INPP1: variants seen among roughly 807,000 people sequenced by gnomAD.
The protein encoded by INPP1 is inositol polyphosphate-1-phosphatase.
INPP1 carries 18 observed loss-of-function variants against 23.0 expected under a neutral mutation model. The ratio of observed to expected loss-of-function variants is 0.78; its 90% CI spans 0.54 to 1.16. The LOEUF (loss-of-function observed/expected upper bound fraction) is 1.16. INPP1 is among the 50% of genes most tolerant of loss of function. The pLI, the probability that INPP1 is intolerant of heterozygous loss-of-function variation, is 0.00. For missense variants in INPP1, 448 were observed against 482.1 expected (o/e 0.93, Z 0.66); for synonymous variants, 164 against 176.3 (o/e 0.93, Z 0.55).
At position 190,346,416 on chromosome 2, in the gene INPP1, AT is replaced by A. The variant is rs1257434416; in HGVS notation, c.-209+2462del. Among the ~76,000 whole-genome samples the A allele has an allele frequency of 6.6e-6, 1 of 152,122 alleles. No individual in the cohort carries two copies. The highest frequency in any genetic ancestry group is 1.9e-4 in the East Asian group (1 of 5,182). Reference sequence around the variant, plus strand: ...CATTTAGGAAATCTGAAACTTTTATATTTTTTTCTGGTCAAGCTTCTGCTGA... The same window carrying A: ...CATTTAGGAAATCTGAAACTTTTATATTTTTTCTGGTCAAGCTTCTGCTGA... On this transcript the variant is annotated intron_variant, in intron 1 of 6. Transcript: ENST00000392329. This position sits in a 1 kb window ranked among gnomAD's most constrained non-coding sequence, Gnocchi z 5.1.
chr2:190,366,184 T>TCTCA (rs1471585868), intron 4 of INPP1, among the ~76,000 whole-genome samples: 3 of 103,828 alleles, frequency 2.9e-5, no homozygotes, highest in African/African-American at 8.5e-5. Flanking sequence ...TCTCTTGCTC[T>TCTCA]CTGTCTCTTG....
rs1276075343 is a variant in INPP1, at chr2:190,360,283, A to C, written c.181A>C (p.Ile61Leu). ...GGCTGATGTACTGGTACAGGAAGTT[A>C]TAAAACAGAATATGGAGAACAAGGT... is the stretch of plus-strand genomic sequence containing the variant. ...TLADVLVQEV[I>L]KQNMENKFPG... The change falls in exon 3 of 7, where the codon ATA becomes CTA. Residue 61 changes from isoleucine to leucine, a missense_variant. By Grantham distance (5) the Ile-to-Leu change is conservative. Coordinates refer to ENST00000392329, the MANE Select transcript of INPP1 (RefSeq NM_001128928.2). 1.9e-6 allele frequency: 3 copies of C among 1,614,066 alleles called. No individual in the cohort carries two copies. Among genetic ancestry groups the C allele is most frequent in the Admixed American group, 3.3e-5 (2 of 60,014 alleles).
At chr2:190,360,453 G>A (rs1282196148) in intron 3 of INPP1, 147 bp downstream of exon 3, 1 of 622,710 alleles carries the variant, frequency 1.6e-6, no homozygotes, top group African/African-American at 1.8e-5. Context: ...CTTCCTCCTT[G>A]TCATGATTAC....
At chr2:190,350,157 A>G (rs981176458) in intron 2 of INPP1, among the ~76,000 whole-genome samples, 3 of 152,206 alleles carry the variant, frequency 2.0e-5, no homozygotes, top group Non-Finnish European at 4.4e-5. Context: ...ATTTTAAGGT[A>G]TTTCTAAATG....
rs368962899 is a variant in INPP1 at position 190,363,490 on chromosome 2, G to T, written c.265+803G>T. 3.9e-5 allele frequency among the ~76,000 whole-genome samples: 6 copies of T among 151,938 alleles called. No homozygotes were observed. The highest frequency in any genetic ancestry group is 1.3e-4 in the Admixed American group (2 of 15,246). ...CTCAGGTAATCTGATTTCTTTCAGA[G>T]AAACAATTTTTTTTTTTAGTTTGTT... On this transcript the variant is annotated intron_variant, in intron 4 of 6. Transcript: ENST00000392329. This position sits in a 1 kb window ranked among gnomAD's most constrained non-coding sequence, Gnocchi z 4.4.
intron 4 of INPP1, among the ~76,000 whole-genome samples, chr2:190,366,235 C>G (rs915208226): frequency 6.7e-6 from 1 of 150,162 alleles, no homozygotes; most frequent in African/African-American, 2.5e-5. Context: ...CTTGCTTGCT[C>G]TCTGTCTCAC....
Position 190,371,083 on chromosome 2 carries a change from G to A in INPP1, c.881G>A (p.Ser294Asn). The change falls in exon 7 of 7, where the codon AGC becomes AAC. Residue 294 changes from serine (S) to asparagine (N), a missense_variant. Coordinates refer to ENST00000392329, the MANE Select transcript of INPP1 (RefSeq NM_001128928.2). The surrounding 1 kb of genome is among the most constrained non-coding windows in gnomAD (Gnocchi z 5.3). Reference sequence around the variant, plus strand: ...GGGGCAGCTGGGGCTGGTTATAAGAGCCTATGTGTTGTCCAAGGCCTCGTT... The same window carrying A: ...GGGGCAGCTGGGGCTGGTTATAAGAACCTATGTGTTGTCCAAGGCCTCGTT... The part of the protein sequence containing the change: ...IFGAAGAGYK[S>N]LCVVQGLVDI... The A allele has an allele frequency of 6.2e-7, 1 of 1,614,210 alleles. No homozygotes were observed. The highest frequency in any genetic ancestry group is 2.2e-5 in the East Asian group (1 of 44,888).
At chr2:190,365,435 A>T (rs527533770) in intron 4 of INPP1, among the ~76,000 whole-genome samples, 1 of 152,380 alleles carries the variant, frequency 6.6e-6, no homozygotes, top group East Asian at 1.9e-4. Context: ...CATTCTTTTC[A>T]ATAACATATT....
chr2:190,349,402 A>G (rs927912628), intron 2 of INPP1, among the ~76,000 whole-genome samples: 2 of 152,156 alleles, frequency 1.3e-5, no homozygotes, highest in African/African-American at 4.8e-5. Flanking sequence ...GTACCATTGC[A>G]CTCTAGCCTG....
intron 1 of INPP1, 56 bp downstream of exon 1, chr2:190,344,017 T>C (rs1689167255): frequency 3.0e-6 from 1 of 334,802 alleles, no homozygotes; most frequent in Non-Finnish European, 6.2e-6. Flanking sequence ...CCGCTGCCCC[T>C]CCTCCTTGGA....
chr2:190,353,213 A>G (rs775883755), intron 2 of INPP1, among the ~76,000 whole-genome samples: 24 of 152,216 alleles, frequency 1.6e-4, no homozygotes, highest in Non-Finnish European at 3.4e-4. Flanking sequence ...TCTGGGCCCT[A>G]GAATCCTCAC....
At position 190,371,193 on chromosome 2, in the gene INPP1, A is replaced by G; in HGVS notation, c.991A>G (p.Ile331Val). ...HAILRAMGGGIVDLKECLERN... is the reference protein window; with the variant it reads ...HAILRAMGGGVVDLKECLERN... ...CATACTGAGGGCCATGGGTGGGGGA[A>G]TAGTAGACTTGAAAGAATGCTTAGA... The change falls in exon 7 of 7, where the codon ATA becomes GTA. Residue 331 changes from isoleucine to valine, a missense_variant. Ile to Val is a conservative substitution (Grantham distance 29). Transcript: ENST00000392329. The surrounding 1 kb of genome is among the most constrained non-coding windows in gnomAD (Gnocchi z 5.3). The G allele has an allele frequency of 6.2e-7, 1 of 1,613,996 alleles. No homozygotes were observed. Among genetic ancestry groups the G allele is most frequent in the Non-Finnish European group, 8.5e-7 (1 of 1,179,852 alleles).
intron 4 of INPP1, among the ~76,000 whole-genome samples, chr2:190,364,335 T>C (rs547942483): frequency 4.0e-5 from 6 of 151,838 alleles, no homozygotes; most frequent in South Asian, 4.2e-4. Context: ...GTCAGGAAAT[T>C]GAGTCCATCC....
intron 3 of INPP1, among the ~76,000 whole-genome samples, 188 bp downstream of exon 3, chr2:190,360,494 C>A (rs1279096636): frequency 6.6e-6 from 1 of 152,092 alleles, no homozygotes; most frequent in East Asian, 1.9e-4. Context: ...TGCAGGAAAT[C>A]TTTAAAATAC....
At position 190,352,040 on chromosome 2, in the gene INPP1, T is replaced by G. The variant is rs975364785; in HGVS notation, c.-65+3009T>G. ...CCTGTTGAGATTTTAAGTTGCATCT[T>G]CCTGATGACTAATATGGTAGACTGT... is the stretch of plus-strand genomic sequence containing the variant. On this transcript the variant is annotated intron_variant, in intron 2 of 6. Transcript: ENST00000392329. The surrounding 1 kb of genome is among the most constrained non-coding windows in gnomAD (Gnocchi z 4.7). Among the ~76,000 whole-genome samples, 1 of 152,216 alleles carries G rather than the reference T, an allele frequency of 6.6e-6. No individual in the cohort carries two copies. The highest frequency in any genetic ancestry group is 6.5e-5 in the Admixed American group (1 of 15,286).
chr2:190,364,700 C>T (rs1178348418), intron 4 of INPP1, among the ~76,000 whole-genome samples: 1 of 145,732 alleles, frequency 6.9e-6, no homozygotes, highest in Admixed American at 7.2e-5. Flanking sequence ...AAGCGATTCT[C>T]CTGCCTCAGC....
In INPP1 at chr2:190,367,437, C is replaced by T. The variant is rs997998722; in HGVS notation, c.466+542C>T. On this transcript the variant is annotated intron_variant, in intron 5 of 6. Transcript: ENST00000392329. The surrounding 1 kb of genome is among the most constrained non-coding windows in gnomAD (Gnocchi z 4.1). ...ACAATCAAAAAAACACAGTACAGGT[C>T]AAGCAAAAAGCTGAATGTGACGCAT... 2.6e-5 allele frequency among the ~76,000 whole-genome samples: 4 copies of T among 152,204 alleles called. No individual in the cohort carries two copies. Among genetic ancestry groups the T allele is most frequent in the Non-Finnish European group, 4.4e-5 (3 of 68,032 alleles).
In INPP1 at chr2:190,346,332, C is replaced by T. The variant is rs1357132701; in HGVS notation, c.-209+2371C>T. On this transcript the variant is annotated intron_variant, in intron 1 of 6. Transcript: ENST00000392329. This position sits in a 1 kb window ranked among gnomAD's most constrained non-coding sequence, Gnocchi z 5.1. ...GAATAGTTGATAAAACTTATTAGGA[C>T]TCCTGTACATAAAATGTTCATATAT... 2.0e-5 allele frequency among the ~76,000 whole-genome samples: 3 copies of T among 152,148 alleles called. No homozygotes were observed. Among genetic ancestry groups the T allele is most frequent in the African/African-American group, 7.2e-5 (3 of 41,434 alleles).
At chr2:190,358,347 G>T (rs1295046122) in intron 2 of INPP1, among the ~76,000 whole-genome samples, 1 of 152,126 alleles carries the variant, frequency 6.6e-6, no homozygotes, top group Non-Finnish European at 1.5e-5. Flanking sequence ...AAAGTGCTGG[G>T]ATTACAGGCA....
Sources: allele counts gnomAD v4.1 joint callset (sites outside exome capture counted in the v4.1 genomes callset), GRCh38; gene constraint gnomAD v4.1.1; non-coding constraint Gnocchi (gnomAD v3.1); transcripts MANE v1.5; gene names NCBI Gene and HGNC (gene_info 2026-07-23, HGNC 2026-07-21).